The following SYT9 variants were observed in gnomAD, a reference collection of about 807,000 sequenced individuals.
The protein encoded by SYT9 is synaptotagmin 9.
A neutral mutation model predicts 48.4 loss-of-function variants in SYT9; 22 were observed. That is an observed-to-expected ratio of 0.45 (90% CI 0.32 to 0.65). SYT9 has a LOEUF of 0.65. SYT9 is among the 30% of genes least tolerant of loss of function. The probability of loss-of-function intolerance (pLI) is 0.03; values close to 1 mark genes in which losing one functional copy is unlikely to be tolerated. For missense variants in SYT9, 577 were observed against 622.0 expected, an observed-to-expected ratio of 0.93 and a Z score of 0.77; for synonymous variants, 265 against 245.0, an observed-to-expected ratio of 1.08 and a Z score of -0.76.
At chr11:7,261,693 C>T (rs1278026589) in intron 1 of SYT9, among the ~76,000 whole-genome samples, 1 of 151,976 alleles carries the variant, frequency 6.6e-6, no homozygotes, top group Non-Finnish European at 1.5e-5. Flanking sequence ...GAGCAAGATA[C>T]ACACGTAGCA....
rs1848212979 is a variant in SYT9 at position 7,460,165 on chromosome 11, A to G, written c.1468-6627A>G. ...TATAATAGTACATACCAAATTCTAC[A>G]TAATGTTAACTGTTATAATGATTAT... On this transcript the variant is annotated intron_variant, in intron 6 of 6. Transcript: ENST00000318881. Among the ~76,000 whole-genome samples the G allele has an allele frequency of 3.3e-5, 5 of 152,238 alleles. No individual in the cohort carries two copies. In the South Asian group the frequency reaches 8.3e-4, roughly 25 times the overall value.
At chr11:7,457,458 C>T (rs888341077) in intron 6 of SYT9, 1 of 152,190 alleles carries the variant, frequency 6.6e-6, no homozygotes. Context: ...ATAACAAGCA[C>T]CTGGCAAAAT....
At chr11:7,309,711 T>G (rs1005560071) in intron 2 of SYT9, among the ~76,000 whole-genome samples, 4 of 152,142 alleles carry the variant, frequency 2.6e-5, no homozygotes, top group African/African-American at 9.7e-5. Flanking sequence ...TTCCATTTCC[T>G]CCACCCCCTC....
rs112240806 is a variant in SYT9, at chr11:7,466,318, C to T, written c.1468-474C>T. 4.4e-4 allele frequency among the ~76,000 whole-genome samples: 67 copies of T among 152,330 alleles called. 1 individual carries two copies. Among genetic ancestry groups the T allele is most frequent in the African/African-American group, 1.5e-3 (61 of 41,574 alleles). On this transcript the variant is annotated intron_variant, in intron 6 of 6. Transcript: ENST00000318881. ...CAGTATTCTATGCAGCTTCTCACAT[C>T]ATAATATCTCCATCTGTGAGCCCTT...
At position 7,257,457 on chromosome 11, in the gene SYT9, A is replaced by G. The variant is rs555927513; in HGVS notation, c.145+5126A>G. 8.5e-5 allele frequency among the ~76,000 whole-genome samples: 13 copies of G among 152,250 alleles called. No homozygotes were observed. The South Asian group carries it at 1.0e-3, about 12-fold the overall frequency. On this transcript the variant is annotated intron_variant, in intron 1 of 6. Coordinates refer to ENST00000318881, the MANE Select transcript of SYT9 (RefSeq NM_175733.4). ...AGGTCAGAATATAGAACCTTCACAA[A>G]TGTCACCCTATGTTAAATTATAATG... is the stretch of plus-strand genomic sequence containing the variant.
At chr11:7,409,719 C>T (rs1376921153) in intron 3 of SYT9, among the ~76,000 whole-genome samples, 2 of 151,614 alleles carry the variant, frequency 1.3e-5, no homozygotes, top group Non-Finnish European at 2.9e-5. Context: ...TGTAATATCT[C>T]CCTTTTCATT....
chr11:7,414,890 C>A (rs1243184394), intron 3 of SYT9, among the ~76,000 whole-genome samples: 1 of 152,098 alleles, frequency 6.6e-6, no homozygotes, highest in African/African-American at 2.4e-5. Context: ...ACCTGAATCC[C>A]CAGAGCATTG....
At chr11:7,395,691 AT>A (rs1232286251) in intron 3 of SYT9, among the ~76,000 whole-genome samples, 1 of 152,068 alleles carries the variant, frequency 6.6e-6, no homozygotes, top group Non-Finnish European at 1.5e-5. Flanking sequence ...TGTTTGCGTA[AT>A]AGATTTTTCT....
intron 1 of SYT9, among the ~76,000 whole-genome samples, chr11:7,263,980 G>A (rs1000179528): frequency 6.6e-6 from 1 of 152,100 alleles, no homozygotes; most frequent in African/African-American, 2.4e-5. Context: ...ATGATGTAGA[G>A]GATTAAACTG....
intron 3 of SYT9, among the ~76,000 whole-genome samples, chr11:7,328,525 C>T (rs958308087): frequency 2.6e-5 from 4 of 152,038 alleles, no homozygotes; most frequent in African/African-American, 9.7e-5. Flanking sequence ...TATATTTTTA[C>T]TTTGGGACCT....
At chr11:7,387,742 C>G (rs1850688911) in intron 3 of SYT9, among the ~76,000 whole-genome samples, 1 of 152,114 alleles carries the variant, frequency 6.6e-6, no homozygotes, top group East Asian at 1.9e-4. Flanking sequence ...GGTTTGGATG[C>G]CTGATTTCAT....
chr11:7,389,358 A>G (rs1432701716), intron 3 of SYT9, among the ~76,000 whole-genome samples: 2 of 152,176 alleles, frequency 1.3e-5, no homozygotes, highest in African/African-American at 2.4e-5. Flanking sequence ...TGTAAAGCCA[A>G]TATTTAATAA....
At chr11:7,265,862 G>A (rs1369377222) in intron 1 of SYT9, among the ~76,000 whole-genome samples, 1 of 151,958 alleles carries the variant, frequency 6.6e-6, no homozygotes. Context: ...TCTTATTTTA[G>A]GATAACCATA....
At chr11:7,332,481 A>G (rs1849556339) in intron 3 of SYT9, among the ~76,000 whole-genome samples, 1 of 152,210 alleles carries the variant, frequency 6.6e-6, no homozygotes, top group Admixed American at 6.5e-5. Flanking sequence ...TTGCAGTGTG[A>G]CAGGACAATG....
intron 6 of SYT9, among the ~76,000 whole-genome samples, chr11:7,462,043 C>G (rs1480724228): frequency 1.3e-5 from 2 of 152,228 alleles, no homozygotes; most frequent in African/African-American, 2.4e-5. Flanking sequence ...GAAGTCTGGA[C>G]TGTTCAGAAT....
At chr11:7,238,803 TC>T in exon 1 of SYT9, 1 of 455,278 alleles carries the variant, frequency 2.2e-6, no homozygotes, top group South Asian at 1.6e-5. Flanking sequence ...GTCAACATGA[TC>T]CTCCTGCCTG....
intron 1 of SYT9, among the ~76,000 whole-genome samples, chr11:7,290,737 A>G (rs751868388): frequency 3.9e-5 from 6 of 152,124 alleles, no homozygotes; most frequent in Non-Finnish European, 7.4e-5. Flanking sequence ...CACTTTAGAG[A>G]TAGATTTTCT....
chr11:7,451,015 G>T (rs1220964853), intron 6 of SYT9, among the ~76,000 whole-genome samples: 1 of 152,200 alleles, frequency 6.6e-6, no homozygotes, highest in Non-Finnish European at 1.5e-5. Context: ...GAATTTTTAA[G>T]AAAATTCTTT....
intron 3 of SYT9, among the ~76,000 whole-genome samples, chr11:7,400,204 A>ATATATG (rs1468966369): frequency 6.6e-6 from 1 of 152,226 alleles, no homozygotes; most frequent in African/African-American, 2.4e-5. Flanking sequence ...GAATGATGCC[A>ATATATG]TATATGCTGT....
Sources: gnomAD v4.1 joint callset for allele counts (sites outside exome capture counted in the v4.1 genomes callset) on GRCh38, gnomAD v4.1.1 for gene constraint, MANE v1.5 for transcripts, NCBI Gene and HGNC (gene_info 2026-07-23, HGNC 2026-07-21) for gene names.